The following ZBTB46 variants were observed in gnomAD, a reference collection of about 807,000 sequenced individuals.
ZBTB46 encodes zinc finger and BTB domain containing 46.
In ZBTB46, 8 loss-of-function variants were observed where a neutral mutation model predicts 44.1. The observed-to-expected ratio is 0.18, with a 90% confidence interval of 0.11 to 0.33. The LOEUF (loss-of-function observed/expected upper bound fraction) is 0.33. Ranked by LOEUF, ZBTB46 falls within the 10% of genes least tolerant of loss-of-function variation. ZBTB46 has a pLI of 1.00. For synonymous variants in ZBTB46, 409 were observed against 382.3 expected (o/e 1.07, Z -0.81); for missense variants, 651 against 847.7 (o/e 0.77, Z 2.88).
intron 1 of ZBTB46, among the ~76,000 whole-genome samples, chr20:63,808,976 C>CAAAAAAAAAAAAAAAAAAAAAA (rs1157399042): frequency 1.2e-4 from 9 of 75,224 alleles, no homozygotes; most frequent in Non-Finnish European, 1.6e-4. Flanking sequence ...GACTCCGCTT[C>CAAAAAAAAAAAAAAAAAAAAAA]AAAAAAAAAA....
intron 1 of ZBTB46, 59 bp from the exon 2 acceptor site, chr20:63,790,849 C>A: frequency 6.9e-7 from 1 of 1,455,010 alleles, no homozygotes. Flanking sequence ...CGTGAGAGGA[C>A]GCCGGGCGGG....
chr20:63,821,184 C>CTT (rs536486903), intron 1 of ZBTB46, among the ~76,000 whole-genome samples: 13,394 of 139,874 alleles, frequency 0.096, 1,033 homozygotes, highest in African/African-American at 0.21. Flanking sequence ...TGCGCCCGGC[C>CTT]TTTTTTTTTT....
intron 1 of ZBTB46, among the ~76,000 whole-genome samples, chr20:63,793,177 C>T (rs1032377179): frequency 6.6e-6 from 1 of 152,222 alleles, no homozygotes; most frequent in Non-Finnish European, 1.5e-5. Flanking sequence ...CCCATCCCGC[C>T]CCACACTGGC....
At chr20:63,756,514 C>T (rs1354532067) in intron 3 of ZBTB46, among the ~76,000 whole-genome samples, 1 of 151,788 alleles carries the variant, frequency 6.6e-6, no homozygotes, top group Non-Finnish European at 1.5e-5. Context: ...TAGGCTGTCA[C>T]TTAACTCTGT....
At chr20:63,800,800 C>T (rs188537730) in intron 1 of ZBTB46, among the ~76,000 whole-genome samples, 2 of 152,334 alleles carry the variant, frequency 1.3e-5, no homozygotes, top group Middle Eastern at 3.4e-3. Context: ...ACCTGAAGCC[C>T]GCCATGCCTG....
Position 63,807,197 on chromosome 20 carries a change from T to C in ZBTB46, c.-33-16407A>G, listed in dbSNP as rs1350251352. 2.0e-5 allele frequency among the ~76,000 whole-genome samples: 3 copies of C among 152,348 alleles called. No individual in the cohort carries two copies. In the South Asian group the frequency reaches 6.2e-4, roughly 32 times the overall value. On this transcript the variant is annotated intron_variant, in intron 1 of 4. Coordinates refer to ENST00000245663, the MANE Select transcript of ZBTB46 (RefSeq NM_001369741.1). ...GGACTTTTCTTTTGTTGGAAGTTTA[T>C]TGACTATTGATTCAATTTCTTTATT...
At chr20:63,783,563 A>T (rs1438858135) in intron 2 of ZBTB46, among the ~76,000 whole-genome samples, 2 of 152,200 alleles carry the variant, frequency 1.3e-5, no homozygotes, top group Non-Finnish European at 2.9e-5. Context: ...GCTGCTCCCC[A>T]ACAGACTGTA....
At chr20:63,771,305 T>TGCCCCCACTCTCCG in intron 3 of ZBTB46, among the ~76,000 whole-genome samples, 1 of 152,058 alleles carries the variant, frequency 6.6e-6, no homozygotes, top group South Asian at 2.1e-4. Context: ...TGCAATGAGC[T>TGCCCCCACTCTCCG]GCCCCCACTC....
chr20:63,793,738 G>C (rs971642949), intron 1 of ZBTB46, among the ~76,000 whole-genome samples: 70 of 152,020 alleles, frequency 4.6e-4, no homozygotes, highest in African/African-American at 1.6e-3. Flanking sequence ...ACCTCACAAC[G>C]GTTCACATCT....
At chr20:63,751,318 C>T (rs924482327) in intron 4 of ZBTB46, among the ~76,000 whole-genome samples, 24 of 152,200 alleles carry the variant, frequency 1.6e-4, no homozygotes, top group South Asian at 2.1e-4. Context: ...ACTGTTCCTT[C>T]TCTACTGTCC....
At chr20:63,792,271 G>A (rs925977043) in intron 1 of ZBTB46, among the ~76,000 whole-genome samples, 1 of 152,176 alleles carries the variant, frequency 6.6e-6, no homozygotes. Context: ...CAGTGGTTGG[G>A]TCTCTCCCGT....
chr20:63,755,188 C>T (rs549390507), intron 3 of ZBTB46, among the ~76,000 whole-genome samples: 3 of 152,224 alleles, frequency 2.0e-5, no homozygotes, highest in Non-Finnish European at 2.9e-5. Flanking sequence ...AAGCTGCCTG[C>T]GATGCACTTC....
chr20:63,750,468 G>C (rs1187569565), intron 4 of ZBTB46, among the ~76,000 whole-genome samples: 6 of 151,560 alleles, frequency 4.0e-5, no homozygotes, highest in Admixed American at 1.3e-4. Context: ...CAAACTCCTG[G>C]CCTCAAGCTA....
At position 63,781,789 on chromosome 20, in the gene ZBTB46, C is replaced by CAA. The variant is rs112270335; in HGVS notation, c.938-5829_938-5828dup. ...CCTGGACAACAGAGCGAGACTCTGT[C>CAA]AAAAAAAAAATAGAGGCCGGGCGCG... On this transcript the variant is annotated intron_variant, in intron 2 of 4. Coordinates refer to ENST00000245663, the MANE Select transcript of ZBTB46 (RefSeq NM_001369741.1). Among the ~76,000 whole-genome samples, 55 of 148,776 alleles carry CAA rather than the reference C, an allele frequency of 3.7e-4. No homozygotes were observed. In the East Asian group the frequency reaches 7.4e-3, roughly 20 times the overall value.
chr20:63,792,361 C>T (rs1342711112), intron 1 of ZBTB46, among the ~76,000 whole-genome samples: 1 of 152,170 alleles, frequency 6.6e-6, no homozygotes, highest in East Asian at 1.9e-4. Flanking sequence ...GAAAACTAAG[C>T]GAGCGTGGGA....
intron 1 of ZBTB46, among the ~76,000 whole-genome samples, chr20:63,817,749 G>A (rs2092768258): frequency 6.6e-6 from 1 of 151,150 alleles, no homozygotes. Flanking sequence ...GAAGAAAGAA[G>A]AGGAAAAAAC....
At chr20:63,772,148 C>T (rs1026842698) in intron 3 of ZBTB46, among the ~76,000 whole-genome samples, 1 of 152,012 alleles carries the variant, frequency 6.6e-6, no homozygotes, top group Admixed American at 6.6e-5. Flanking sequence ...GTGCCCGCCA[C>T]CACACCCGGG....
At chr20:63,755,192 G>A (rs1248110178) in intron 3 of ZBTB46, among the ~76,000 whole-genome samples, 1 of 152,230 alleles carries the variant, frequency 6.6e-6, no homozygotes, top group Non-Finnish European at 1.5e-5. Context: ...TGCCTGCGAT[G>A]CACTTCGGCT....
intron 1 of ZBTB46, 35 bp from the exon 2 acceptor site, chr20:63,790,825 G>A: frequency 6.7e-7 from 1 of 1,490,644 alleles, no homozygotes; most frequent in Non-Finnish European, 8.9e-7. Flanking sequence ...CCCAAGCTCA[G>A]CACAGACAGA....
Sources: allele counts gnomAD v4.1 joint callset (sites outside exome capture counted in the v4.1 genomes callset), GRCh38; gene constraint gnomAD v4.1.1; transcripts MANE v1.5; gene names NCBI Gene and HGNC (gene_info 2026-07-23, HGNC 2026-07-21).